SMC6: variants seen among roughly 807,000 people sequenced by gnomAD.
SMC6 encodes structural maintenance of chromosomes 6.
In SMC6, 79 loss-of-function variants were observed where a neutral mutation model predicts 142.2. The observed-to-expected ratio is 0.56, with a 90% CI of 0.46 to 0.67. SMC6 has a LOEUF of 0.67. Among genes scored for constraint, SMC6 ranks in the 30% least tolerant of loss-of-function variants. SMC6 has a pLI of 0.00. For missense variants in SMC6, 1,072 were observed against 1,284.0 expected (o/e 0.83, Z 2.52); for synonymous variants, 411 against 412.4 (o/e 1.00, Z 0.04).
chr2:17,739,879 AACACACACACACACACACACAC>A lies in SMC6; in HGVS notation c.239-1575_239-1554del, dbSNP rs60784309. Among the ~76,000 whole-genome samples, 587 of 115,536 alleles carry A rather than the reference AACACACACACACACACACACAC, an allele frequency of 5.1e-3. 8 individuals are homozygous for A. The highest frequency in any genetic ancestry group is 0.018 in the African/African-American group (543 of 30,420). The allele number at this position is 115,536 out of a possible 152,430, so 75.8% of individuals were successfully genotyped here. On this transcript the variant is annotated intron_variant, in intron 4 of 27. Transcript: ENST00000448223. ...ACACACACACACAGAGAATATGGTA[AACACACACACACACACACACAC>A]ACACACACACACACACACACACACA...
intron 2 of SMC6, among the ~76,000 whole-genome samples, chr2:17,750,690 C>T (rs2125096761): frequency 6.6e-6 from 1 of 152,194 alleles, no homozygotes; most frequent in African/African-American, 2.4e-5. Context: ...GTCTATCCTT[C>T]ATTAAACTTA....
rs150905946 is a variant in SMC6, at chr2:17,665,199, T to C, written c.*300A>G. The stretch of plus-strand genomic sequence containing the variant: ...CAAACTAAACAGATATGTACATGTA[T>C]ATATGTACAAAATTTTACTTCTGAA... On this transcript the variant is annotated 3_prime_UTR_variant, in exon 28 of 28. Transcript: ENST00000448223. The C allele has an allele frequency of 1.0e-5, 2 of 191,372 alleles. No individual in the cohort carries two copies. Among genetic ancestry groups the C allele is most frequent in the East Asian group, 2.6e-4 (2 of 7,772 alleles). 11.9% of individuals were successfully genotyped at this position (191,372 alleles called of 1,614,324 possible).
intron 4 of SMC6, among the ~76,000 whole-genome samples, chr2:17,739,671 G>A (rs956511462): frequency 6.6e-6 from 1 of 151,884 alleles, no homozygotes; most frequent in Non-Finnish European, 1.5e-5. Context: ...AAATTAGGAA[G>A]GCATAGTGGC....
intron 5 of SMC6, among the ~76,000 whole-genome samples, chr2:17,734,155 A>C (rs1670035274): frequency 1.3e-5 from 2 of 152,186 alleles, no homozygotes; most frequent in Non-Finnish European, 2.9e-5. Flanking sequence ...ACACAGAGAC[A>C]GCCAGAGATG....
rs758097751 is a variant in SMC6 at position 17,700,192 on chromosome 2, T to C, written c.2394+16A>G. Reference sequence around the variant, plus strand: ...AACATAAAATACATACGTAACACAGTACCAAAAATATATACCTTAAGTGGG... The same window carrying C: ...AACATAAAATACATACGTAACACAGCACCAAAAATATATACCTTAAGTGGG... On this transcript the variant is annotated intron_variant, in intron 21 of 27. Transcript: ENST00000448223. 1.9e-6 allele frequency: 3 copies of C among 1,551,108 alleles called. No homozygotes were observed. Among genetic ancestry groups the C allele is most frequent in the Non-Finnish European group, 2.6e-6 (3 of 1,143,716 alleles).
intron 7 of SMC6, among the ~76,000 whole-genome samples, chr2:17,729,717 T>G (rs1395736149): frequency 6.6e-6 from 1 of 152,250 alleles, no homozygotes; most frequent in East Asian, 1.9e-4. Flanking sequence ...TTGCTGTACC[T>G]GCTTTTCTCT....
At chr2:17,689,553 T>C (rs142042267) in intron 23 of SMC6, among the ~76,000 whole-genome samples, 294 of 152,336 alleles carry the variant, frequency 1.9e-3, no homozygotes, top group African/African-American at 6.8e-3. Flanking sequence ...TGTGAGTGTA[T>C]GTATATGTGT....
chr2:17,753,420 G>C (rs184786467), intron 1 of SMC6, among the ~76,000 whole-genome samples: 2 of 78,010 alleles, frequency 2.6e-5, no homozygotes, highest in Non-Finnish European at 5.5e-5. Flanking sequence ...TGCCGCCTCG[G>C]AGAGCGCGCG....
chr2:17,741,095 C>A (rs951319765), intron 4 of SMC6, among the ~76,000 whole-genome samples: 1 of 152,202 alleles, frequency 6.6e-6, no homozygotes, highest in African/African-American at 2.4e-5. Context: ...CTCTACTCCT[C>A]CAAACCTTAG....
chr2:17,753,508 G>A (rs954009086), intron 1 of SMC6, 118 bp downstream of exon 1: 1 of 152,244 alleles, frequency 6.6e-6, no homozygotes, highest in Non-Finnish European at 1.5e-5. Flanking sequence ...CATGAACACC[G>A]CCGCAGCTCA....
intron 20 of SMC6, among the ~76,000 whole-genome samples, 170 bp downstream of exon 20, chr2:17,701,659 T>A (rs757126735): frequency 6.6e-6 from 1 of 152,132 alleles, no homozygotes; most frequent in African/African-American, 2.4e-5. Flanking sequence ...CATTAAAAAA[T>A]ATGAAGGCTG....
intron 5 of SMC6, among the ~76,000 whole-genome samples, chr2:17,735,344 C>T (rs778604142): frequency 6.6e-6 from 1 of 151,990 alleles, no homozygotes. Flanking sequence ...AACTCAGGAA[C>T]AATCTATCTA....
At chr2:17,734,198 C>T (rs1475387096) in intron 5 of SMC6, among the ~76,000 whole-genome samples, 1 of 152,192 alleles carries the variant, frequency 6.6e-6, no homozygotes, top group Non-Finnish European at 1.5e-5. Context: ...AGAGAAGTGA[C>T]TCAGTTCTTA....
chr2:17,705,545 G>GT (rs1299830920), intron 18 of SMC6, among the ~76,000 whole-genome samples: 8 of 151,012 alleles, frequency 5.3e-5, no homozygotes, highest in African/African-American at 1.9e-4. Context: ...TCTAGCCTAG[G>GT]TGACAGAGTG....
chr2:17,726,344 G>C (rs748728637), intron 8 of SMC6, 45 bp downstream of exon 8: 37 of 1,459,606 alleles, frequency 2.5e-5, no homozygotes, highest in Non-Finnish European at 3.3e-5. Flanking sequence ...TATGCCTAAA[G>C]GTATTCTTTT....
chr2:17,704,366 G>A (rs937534712), intron 18 of SMC6, among the ~76,000 whole-genome samples: 2 of 152,146 alleles, frequency 1.3e-5, no homozygotes, highest in African/African-American at 2.4e-5. Context: ...AGTAGTGAAG[G>A]GGAAGAAGAG....
intron 18 of SMC6, among the ~76,000 whole-genome samples, chr2:17,704,915 CAT>C (rs1026815750): frequency 1.3e-5 from 2 of 151,336 alleles, no homozygotes; most frequent in African/African-American, 2.4e-5. Context: ...TTTATTTTAT[CAT>C]ATATAAACCT....
chr2:17,724,234 T>C (rs1250378702), intron 9 of SMC6, among the ~76,000 whole-genome samples: 2 of 152,198 alleles, frequency 1.3e-5, no homozygotes, highest in African/African-American at 2.4e-5. Context: ...TTGTGGTTTA[T>C]AGTAACTCCT....
At chr2:17,730,929 AAAC>A in intron 7 of SMC6, 146 bp downstream of exon 7, 1 of 664,024 alleles carries the variant, frequency 1.5e-6, no homozygotes, top group Non-Finnish European at 2.6e-6. Flanking sequence ...AGTAAATTTT[AAAC>A]AACTTCATTG....
Sources: allele counts gnomAD v4.1 joint callset (sites outside exome capture counted in the v4.1 genomes callset), GRCh38; gene constraint gnomAD v4.1.1; transcripts MANE v1.5; gene names NCBI Gene and HGNC (gene_info 2026-07-23, HGNC 2026-07-21).